The following TCF12 variants were observed in gnomAD, a reference collection of about 807,000 sequenced individuals.
TCF12 encodes the protein DNA-binding protein HTF4.
A neutral mutation model predicts 86.0 loss-of-function variants in TCF12; 45 were observed. The observed-to-expected ratio is 0.52, with a 90% CI of 0.41 to 0.67. The LOEUF is 0.67. TCF12 is among the 30% of genes least tolerant of loss of function. The pLI is 0.00. For synonymous variants in TCF12, 330 were observed against 299.6 expected, an observed-to-expected ratio of 1.10 and a Z score of -1.05; for missense variants, 881 against 859.9, an observed-to-expected ratio of 1.02 and a Z score of -0.31.
chr15:57,133,731 A>G (rs2151363812), intron 5 of TCF12, among the ~76,000 whole-genome samples: 1 of 152,080 alleles, frequency 6.6e-6, no homozygotes, highest in South Asian at 2.1e-4. Flanking sequence ...AAATTGGGAT[A>G]TGAAGGAGTT....
intron 3 of TCF12, among the ~76,000 whole-genome samples, chr15:56,986,484 G>C (rs188446449): frequency 6.6e-6 from 1 of 152,246 alleles, no homozygotes; most frequent in Admixed American, 6.5e-5. Flanking sequence ...CCTGTTGTAA[G>C]TAGCTGACTG....
At chr15:57,239,189 TA>T (rs1202736080) in intron 12 of TCF12, among the ~76,000 whole-genome samples, 11 of 151,898 alleles carry the variant, frequency 7.2e-5, no homozygotes, top group African/African-American at 2.4e-4. Flanking sequence ...CCGTCTCTAC[TA>T]AAAATACAAA....
intron 4 of TCF12, among the ~76,000 whole-genome samples, chr15:57,081,822 G>A (rs1274512873): frequency 6.6e-6 from 1 of 152,158 alleles, no homozygotes; most frequent in Non-Finnish European, 1.5e-5. Flanking sequence ...ACCAGCCTCA[G>A]CCTCCTAAAG....
intron 1 of TCF12, 180 bp from the exon 2 acceptor site, chr15:56,919,712 C>T (rs1053795451): frequency 4.4e-6 from 2 of 453,318 alleles, no homozygotes; most frequent in Non-Finnish European, 7.8e-6. Flanking sequence ...TTCCGGGACC[C>T]GGCGCGGGCA....
At position 57,253,341 on chromosome 15, in the gene TCF12, C is replaced by G. The variant is rs761560239; in HGVS notation, c.1340C>G (p.Thr447Ser). Reference protein sequence around the residue: ...VLRNHAVGPSTSLPAGHSDIH... With the variant: ...VLRNHAVGPSSSLPAGHSDIH... ...CGGAACCATGCTGTGGGACCTTCCA[C>G]CAGTTTGCCTGCTGGTCACAGTGAT... Residue 447 changes from threonine to serine, a missense_variant, in exon 16 of 21, where the codon ACC (threonine) becomes AGC (serine). Thr to Ser is a moderately conservative substitution (Grantham distance 58). Transcript: ENST00000333725. 20 of 1,614,058 alleles carry G rather than the reference C, an allele frequency of 1.2e-5. 2 individuals are homozygous for G. In the South Asian group the frequency reaches 2.2e-4, roughly 18 times the overall value.
In TCF12 at chr15:57,273,207, C is replaced by CCTTATTCTTCATCAAGCCGTGGCAGTCAA. The variant is rs2061225511; in HGVS notation, c.1951_1952insACTTATTCTTCATCAAGCCGTGGCAGTCA (p.Ile651AsnfsTer14). On this transcript the variant is annotated frameshift_variant, in exon 19 of 21. Transcript: ENST00000333725. LOFTEE classifies it high-confidence loss of function. Reference sequence around the variant, plus strand: ...AGAGTGAAAAACCCCAAACAAAACTCCTTATTCTTCATCAAGCCGTGGCAG... The same window carrying CCTTATTCTTCATCAAGCCGTGGCAGTCAA: ...AGAGTGAAAAACCCCAAACAAAACTCCTTATTCTTCATCAAGCCGTGGCAGTCAACTTATTCTTCATCAAGCCGTGGCAG... 1 of 1,614,032 alleles carries CCTTATTCTTCATCAAGCCGTGGCAGTCAA rather than the reference C, an allele frequency of 6.2e-7. No homozygotes were observed. The highest frequency in any genetic ancestry group is 8.5e-7 in the Non-Finnish European group (1 of 1,180,038).
At chr15:57,000,538 A>G (rs1419039993) in intron 3 of TCF12, among the ~76,000 whole-genome samples, 1 of 152,216 alleles carries the variant, frequency 6.6e-6, no homozygotes, top group Non-Finnish European at 1.5e-5. Flanking sequence ...AACTAGACAA[A>G]AGATTGAAAA....
chr15:57,087,540 G>A (rs1037999141), intron 4 of TCF12, among the ~76,000 whole-genome samples: 1 of 151,788 alleles, frequency 6.6e-6, no homozygotes, highest in Non-Finnish European at 1.5e-5. Flanking sequence ...CTAAGTTCCT[G>A]CATCAGGAAA....
rs757123393 is a variant in TCF12, at chr15:57,232,353, G to C, written c.748G>C (p.Gly250Arg). The C allele has an allele frequency of 1.9e-6, 3 of 1,613,880 alleles. No individual in the cohort carries two copies. The highest frequency in any genetic ancestry group is 3.3e-5 in the Admixed American group (2 of 59,980). ...SSNGMSQPGFGGILGTSTSHM... is the reference protein window; with the variant it reads ...SSNGMSQPGFRGILGTSTSHM... ...AAATGGGATGAGCCAGCCTGGTTTT[G>C]GTGGAATTCTGGGGACCTCCACTTC... Residue 250 changes from glycine (G) to arginine (R), a missense_variant, in exon 10 of 21, where the codon GGT becomes CGT. This residue lies in a region of TCF12 where 766 missense variants were observed against 718.9 expected (regional missense o/e 1.07). Coordinates refer to ENST00000333725, the MANE Select transcript of TCF12 (RefSeq NM_207037.2).
chr15:56,929,245 G>A (rs2060143055), intron 3 of TCF12, among the ~76,000 whole-genome samples: 1 of 152,070 alleles, frequency 6.6e-6, no homozygotes, highest in African/African-American at 2.4e-5. Context: ...ATCTTTAGCT[G>A]TATTTTTTCA....
At chr15:57,209,492 C>A (rs544346767) in intron 8 of TCF12, among the ~76,000 whole-genome samples, 136 of 152,282 alleles carry the variant, frequency 8.9e-4, no homozygotes, top group African/African-American at 3.1e-3. Context: ...GTTACGGTTT[C>A]ATTGACATAA....
intron 3 of TCF12, among the ~76,000 whole-genome samples, chr15:57,054,589 T>A (rs2067858661): frequency 6.6e-6 from 1 of 152,138 alleles, no homozygotes; most frequent in Non-Finnish European, 1.5e-5. Flanking sequence ...ATCTGTTTGA[T>A]TGCTTCCCTG....
intron 4 of TCF12, among the ~76,000 whole-genome samples, chr15:57,080,970 C>T (rs1360234398): frequency 6.6e-6 from 1 of 152,044 alleles, no homozygotes; most frequent in Non-Finnish European, 1.5e-5. Context: ...AAAAGTTCTG[C>T]GGTAGATAAA....
chr15:57,096,283 G>T (rs1478700866), intron 5 of TCF12, among the ~76,000 whole-genome samples: 3 of 151,998 alleles, frequency 2.0e-5, no homozygotes, highest in African/African-American at 7.2e-5. Flanking sequence ...AACTTTTTTA[G>T]CCTACGACAC....
chr15:57,260,636 G>A (rs964201974), intron 16 of TCF12, among the ~76,000 whole-genome samples: 8 of 152,028 alleles, frequency 5.3e-5, no homozygotes, highest in South Asian at 2.1e-4. Flanking sequence ...TCCCCAGCCC[G>A]TCAAAATTCT....
chr15:57,066,535 A>G (rs1443631452), intron 4 of TCF12, among the ~76,000 whole-genome samples: 2 of 152,184 alleles, frequency 1.3e-5, no homozygotes, highest in African/African-American at 4.8e-5. Context: ...TTATTTAAAA[A>G]TAATTTGATT....
At chr15:57,039,229 C>A (rs2066726703) in intron 3 of TCF12, among the ~76,000 whole-genome samples, 1 of 152,162 alleles carries the variant, frequency 6.6e-6, no homozygotes, top group Non-Finnish European at 1.5e-5. Context: ...GTTCACTTTT[C>A]TGTGTAATTG....
chr15:57,004,237 CTTT>C (rs200302099), intron 3 of TCF12, among the ~76,000 whole-genome samples: 1 of 144,240 alleles, frequency 6.9e-6, no homozygotes. Flanking sequence ...TTCTTTCTTT[CTTT>C]TTTTTTTTTT....
At chr15:57,263,311 T>G (rs2060676155) in intron 18 of TCF12, 37 bp downstream of exon 18, 2 of 1,586,696 alleles carry the variant, frequency 1.3e-6, no homozygotes. Flanking sequence ...TTTTATTCAT[T>G]TTCCATAGGT....
Sources: gnomAD v4.1 joint callset for allele counts (sites outside exome capture counted in the v4.1 genomes callset) on GRCh38, gnomAD v4.1.1 for gene constraint, gnomAD v4.1.1 regional missense constraint, MANE v1.5 for transcripts, NCBI Gene and HGNC (gene_info 2026-07-23, HGNC 2026-07-21) for gene names.